NOTCH4: variants seen among roughly 807,000 people sequenced by gnomAD.
NOTCH4 encodes notch receptor 4, also known as neurogenic locus notch homolog protein 4.
Under a neutral mutation model 189.0 loss-of-function variants are expected in NOTCH4, and 138 were observed. The ratio of observed to expected loss-of-function variants is 0.73; its 90% CI spans 0.64 to 0.84. The LOEUF (loss-of-function observed/expected upper bound fraction) is 0.84, where lower values mean the gene tolerates loss of function less well. Among genes scored for constraint, NOTCH4 ranks in the 40% least tolerant of loss-of-function variants. The probability of loss-of-function intolerance (pLI) is 0.00; values close to 1 mark genes in which losing one functional copy is unlikely to be tolerated. For missense variants in NOTCH4, 2,286 were observed against 2,605.4 expected (o/e 0.88, Z 2.67); for synonymous variants, 942 against 1,032.8 (o/e 0.91, Z 1.69).
Position 32,213,856 on chromosome 6 carries a change from G to C in NOTCH4, c.2168-16C>G. 1 of 1,610,906 alleles carries C rather than the reference G, an allele frequency of 6.2e-7. No individual in the cohort carries two copies. The highest frequency in any genetic ancestry group is 8.5e-7 in the Non-Finnish European group (1 of 1,179,274). On this transcript the variant is annotated splice_polypyrimidine_tract_variant and intron_variant, in intron 13 of 29. Coordinates refer to ENST00000375023, the MANE Select transcript of NOTCH4 (RefSeq NM_004557.4). ...CAGGTGGGTCCTGAAGGAAACAGGT[G>C]GGGGCTGAGAAAGGGTGTCCTCCTT... is the stretch of plus-strand genomic sequence containing the variant.
Position 32,202,655 on chromosome 6 carries a change from C to G in NOTCH4, c.3232-56G>C. On this transcript the variant is annotated intron_variant, in intron 20 of 29. Transcript: ENST00000375023. This position sits in a 1 kb window ranked among gnomAD's most constrained non-coding sequence, Gnocchi z 5.7. Reference sequence around the variant, plus strand: ...CAACTTGCATTATTCTTCCCGCTCTCCATCAAGCAAACTCTTGGGTTAAGA... The same window carrying G: ...CAACTTGCATTATTCTTCCCGCTCTGCATCAAGCAAACTCTTGGGTTAAGA... The G allele has an allele frequency of 2.0e-6, 3 of 1,495,876 alleles. No individual in the cohort carries two copies. Among genetic ancestry groups the G allele is most frequent in the Non-Finnish European group, 2.7e-6 (3 of 1,116,348 alleles). 92.7% of individuals were successfully genotyped at this position (1,495,876 alleles called of 1,614,324 possible).
At chr6:32,223,247 C>T (rs757072951) in intron 1 of NOTCH4, among the ~76,000 whole-genome samples, 161 bp from the exon 2 acceptor site, 1 of 152,150 alleles carries the variant, frequency 6.6e-6, no homozygotes, top group African/African-American at 2.4e-5. Flanking sequence ...TACCCAGCCC[C>T]AGCCCCAGTG....
chr6:32,217,914 C>T lies in NOTCH4; in HGVS notation c.1624+81G>A, dbSNP rs1789514705. On this transcript the variant is annotated intron_variant, in intron 9 of 29. Transcript: ENST00000375023. This position sits in a 1 kb window ranked among gnomAD's most constrained non-coding sequence, Gnocchi z 4.2. ...CTTGGCTAGAGAGAGCTTCAAGTGG[C>T]CTTGGGTGATTGCTGAGCCTGAACT... 2 of 897,118 alleles carry T rather than the reference C, an allele frequency of 2.2e-6. No homozygotes were observed. The highest frequency in any genetic ancestry group is 3.6e-6 in the Non-Finnish European group (2 of 549,196). 55.6% of individuals were successfully genotyped at this position (897,118 alleles called of 1,614,324 possible).
chr6:32,204,719 A>G (rs1056129025), intron 18 of NOTCH4, among the ~76,000 whole-genome samples: 1 of 152,204 alleles, frequency 6.6e-6, no homozygotes, highest in Non-Finnish European at 1.5e-5. Context: ...ATAAGCATCT[A>G]TTGAGTGCCT....
In NOTCH4 at chr6:32,204,189, G is replaced by A; in HGVS notation, c.3066C>T (p.Ala1022=). 6.2e-7 allele frequency: 1 copy of A among 1,612,992 alleles called. No individual in the cohort carries two copies. Among genetic ancestry groups the A allele is most frequent in the East Asian group, 2.2e-5 (1 of 44,878 alleles). The stretch of plus-strand genomic sequence containing the variant: ...AGAAGGCATTGGCCAGAGAGTGGCA[G>A]GCTGCAGTGCCTGTGGGGTGGCAGG... ...DQPCHPTGTA[A]CHSLANAFYC... is the part of the protein sequence containing the mutation. Residue 1022 remains alanine, a synonymous_variant, in exon 19 of 30, where the codon GCC becomes GCT. Transcript: ENST00000375023.
chr6:32,213,950 C>T, intron 13 of NOTCH4, 110 bp from the exon 14 acceptor site: 1 of 1,466,162 alleles, frequency 6.8e-7, no homozygotes. Flanking sequence ...TATTCTTTCC[C>T]ATCAACCTCC....
Position 32,195,902 on chromosome 6 carries a change from G to C in NOTCH4, c.5547C>G (p.Ser1849Arg), listed in dbSNP as rs1288168450. The C allele has an allele frequency of 6.3e-7, 1 of 1,587,718 alleles. No homozygotes were observed. The highest frequency in any genetic ancestry group is 8.5e-7 in the Non-Finnish European group (1 of 1,174,594). Residue 1849 changes from serine (S) to arginine (R), a missense_variant, in exon 30 of 30, where the codon AGC becomes AGG. Physicochemically the swap from Ser to Arg is moderately radical, Grantham distance 110. This residue lies in a region of NOTCH4 where 383 missense variants were observed against 343.5 expected (regional missense o/e 1.11). Coordinates refer to ENST00000375023, the MANE Select transcript of NOTCH4 (RefSeq NM_004557.4). The surrounding 1 kb of genome is among the most constrained non-coding windows in gnomAD (Gnocchi z 5.4). ...PFPRARTVSV[S>R]VPPHGGGALP... is the part of the protein sequence containing the mutation. ...GAGCCCCGCCCCCATGCGGGGGCAC[G>C]CTTACTGACACCGTCCGTGCGCGCG... is the stretch of plus-strand genomic sequence containing the variant.
At chr6:32,220,079 C>CA (rs1236894512) in intron 7 of NOTCH4, 50 bp downstream of exon 7, 3 of 1,582,184 alleles carry the variant, frequency 1.9e-6, no homozygotes, top group Non-Finnish European at 2.6e-6. Flanking sequence ...GTCTTCAGTG[C>CA]AGAGGCCTGT....
Position 32,195,527 on chromosome 6 carries a change from C to T in NOTCH4, c.5922G>A (p.Pro1974=), listed in dbSNP as rs141656129. Residue 1974 remains proline (P), a synonymous_variant, in exon 30 of 30, where the codon CCG becomes CCA. Transcript: ENST00000375023. The surrounding 1 kb of genome is among the most constrained non-coding windows in gnomAD (Gnocchi z 5.4). ...GTTGAGGTGATCCCCGCTCCGGGGA[C>T]GGAGTAAGGCAAGGAGGCGGGATCG... ...NIPIPPPCLT[P]SPERGSPQLD... is the part of the protein sequence containing the mutation. 5.2e-4 allele frequency: 834 copies of T among 1,613,054 alleles called. No individual in the cohort carries two copies. The highest frequency in any genetic ancestry group is 6.6e-4 in the Non-Finnish European group (782 of 1,180,008).
Position 32,199,169 on chromosome 6 carries a change from AAG to A in NOTCH4, c.4316-26_4316-25del. 6.6e-7 allele frequency: 1 copy of A among 1,526,080 alleles called. No homozygotes were observed. The highest frequency in any genetic ancestry group is 1.2e-5 in the South Asian group (1 of 84,104). The allele number at this position is 1,526,080 out of a possible 1,614,324, so 94.5% of individuals were successfully genotyped here. On this transcript the variant is annotated intron_variant, in intron 23 of 29. Transcript: ENST00000375023. This position sits in a 1 kb window ranked among gnomAD's most constrained non-coding sequence, Gnocchi z 4.9. ...TGCTGGTGGGAGAGACAGAGTCACA[AAG>A]AGAGGCCACTCCTGGTGAGACTGAT...
rs1031922236 is a variant in NOTCH4, at chr6:32,199,958, T to C, written c.4316-813A>G. Among the ~76,000 whole-genome samples the C allele has an allele frequency of 1.3e-5, 2 of 152,174 alleles. No homozygotes were observed. The highest frequency in any genetic ancestry group is 2.9e-5 in the Non-Finnish European group (2 of 68,036). On this transcript the variant is annotated intron_variant, in intron 23 of 29. Coordinates refer to ENST00000375023, the MANE Select transcript of NOTCH4 (RefSeq NM_004557.4). The surrounding 1 kb of genome is among the most constrained non-coding windows in gnomAD (Gnocchi z 4.9). ...GAAATGTTCCAAAGTCTGAAACTTT[T>C]AGAGTACCAACATAACGCTCAAAGG...
At position 32,195,871 on chromosome 6, in the gene NOTCH4, G is replaced by T. The variant is rs764118051; in HGVS notation, c.5578C>A (p.Arg1860Ser). The T allele has an allele frequency of 6.3e-5, 100 of 1,594,168 alleles. No individual in the cohort carries two copies. Among genetic ancestry groups the T allele is most frequent in the Non-Finnish European group, 8.3e-5 (98 of 1,177,334 alleles). ...GCTCCGGCTGACAGCGTCCGGCAGCGCGGCAGAGCCCCGCCCCCATGCGGG... is the reference window on the plus strand; with the variant it reads ...GCTCCGGCTGACAGCGTCCGGCAGCTCGGCAGAGCCCCGCCCCCATGCGGG... ...VPPHGGGALP[R>S]CRTLSAGAGP... The change falls in exon 30 of 30, where the codon CGC (arginine) becomes AGC (serine). Residue 1860 changes from arginine (R) to serine (S), a missense_variant. Arg to Ser is a moderately radical substitution (Grantham distance 110, BLOSUM62 -1). Transcript: ENST00000375023. This position sits in a 1 kb window ranked among gnomAD's most constrained non-coding sequence, Gnocchi z 5.4.
chr6:32,218,154 C>T (rs368590667), intron 8 of NOTCH4, 46 bp from the exon 9 acceptor site: 6 of 1,243,728 alleles, frequency 4.8e-6, no homozygotes, highest in Non-Finnish European at 7.0e-6. Context: ...CCAGGTCTGC[C>T]TGGGAGACCT....
rs1277655724 is a variant in NOTCH4 at position 32,204,381 on chromosome 6, T to C, written c.2874A>G (p.Pro958=). The change falls in exon 19 of 30, where the codon CCA becomes CCG. Residue 958 remains proline, a synonymous_variant. Transcript: ENST00000375023. ...TTGAGCAGTTCTGTCCATCGTAGCCTGGGGCACACTGCAGACAAAGAGGAT... is the reference window on the plus strand; with the variant it reads ...TTGAGCAGTTCTGTCCATCGTAGCCCGGGGCACACTGCAGACAAAGAGGAT... ...QPSGYLCQCA[P]GYDGQNCSKE... is the part of the protein sequence containing the mutation. 4 of 1,612,802 alleles carry C rather than the reference T, an allele frequency of 2.5e-6. No individual in the cohort carries two copies. The Admixed American group carries it at 6.7e-5, about 27-fold the overall frequency.
chr6:32,203,243 A>G (rs1788466756), intron 20 of NOTCH4: 3 of 152,996 alleles, frequency 2.0e-5, no homozygotes, highest in South Asian at 4.1e-4. Flanking sequence ...AAATAGGATC[A>G]TATGTCTTCC....
rs1330266243 is a variant in NOTCH4 at position 32,195,904 on chromosome 6, T to A, written c.5545A>T (p.Ser1849Cys). ...GCCCCGCCCCCATGCGGGGGCACGCTTACTGACACCGTCCGTGCGCGCGGG... is the reference window on the plus strand; with the variant it reads ...GCCCCGCCCCCATGCGGGGGCACGCATACTGACACCGTCCGTGCGCGCGGG... The part of the protein sequence containing the change: ...PFPRARTVSV[S>C]VPPHGGGALP... The change falls in exon 30 of 30, where the codon AGC becomes TGC. Residue 1849 changes from serine to cysteine, a missense_variant. Ser to Cys is a moderately radical substitution (Grantham distance 112, BLOSUM62 -1). Around this residue, in one of 2 missense-constraint regions of NOTCH4, gnomAD observed 383 missense variants for 343.5 expected, o/e 1.11. Transcript: ENST00000375023. This position sits in a 1 kb window ranked among gnomAD's most constrained non-coding sequence, Gnocchi z 5.4. 6.3e-7 allele frequency: 1 copy of A among 1,587,752 alleles called. No homozygotes were observed. Among genetic ancestry groups the A allele is most frequent in the African/African-American group, 1.3e-5 (1 of 74,744 alleles).
Position 32,196,094 on chromosome 6 carries a change from T to G in NOTCH4, c.5355A>C (p.Leu1785=). Residue 1785 remains leucine (L), a synonymous_variant, in exon 30 of 30, where the codon CTA becomes CTC. Coordinates refer to ENST00000375023, the MANE Select transcript of NOTCH4 (RefSeq NM_004557.4). ...AREGAVEVAQ[L]LLGLGAAREL... is the part of the protein sequence containing the mutation. ...CTCGGGCTGCCCCCAGCCCCAGCAG[T>G]AGCTGGGCTACTTCCACCGCTCCTT... The G allele has an allele frequency of 6.3e-7, 1 of 1,592,720 alleles. No individual in the cohort carries two copies. Among genetic ancestry groups the G allele is most frequent in the Non-Finnish European group, 8.5e-7 (1 of 1,176,698 alleles).
intron 8 of NOTCH4, among the ~76,000 whole-genome samples, chr6:32,218,320 G>T (rs1789544060): frequency 6.6e-6 from 1 of 152,214 alleles, no homozygotes. Context: ...AGGGAACAGG[G>T]TGCTTGCTGG....
rs1390819466 is a variant in NOTCH4, at chr6:32,202,279, A to G, written c.3552T>C (p.Asp1184=). 4 of 1,597,598 alleles carry G rather than the reference A, an allele frequency of 2.5e-6. No individual in the cohort carries two copies. Among genetic ancestry groups the G allele is most frequent in the Non-Finnish European group, 2.6e-6 (3 of 1,168,680 alleles). Residue 1184 remains aspartate, a synonymous_variant, in exon 21 of 30, where the codon GAT becomes GAC. Coordinates refer to ENST00000375023, the MANE Select transcript of NOTCH4 (RefSeq NM_004557.4). The surrounding 1 kb of genome is among the most constrained non-coding windows in gnomAD (Gnocchi z 5.7). ...CACTGCAGCCAGCATCGCAGGCCCCATCTCCACTTCTGCCCTCACACCCCT... is the reference window on the plus strand; with the variant it reads ...CACTGCAGCCAGCATCGCAGGCCCCGTCTCCACTTCTGCCCTCACACCCCT... ...GAKGCEGRSG[D]GACDAGCSGP...
Sources: allele counts gnomAD v4.1 joint callset (sites outside exome capture counted in the v4.1 genomes callset), GRCh38; gene constraint gnomAD v4.1.1; regional missense constraint gnomAD v4.1.1; non-coding constraint Gnocchi (gnomAD v3.1); transcripts MANE v1.5; gene names NCBI Gene and HGNC (gene_info 2026-07-23, HGNC 2026-07-21).